TNFRSF8: variants seen among roughly 807,000 people sequenced by gnomAD.
The protein encoded by TNFRSF8 is TNF receptor superfamily member 8.
TNFRSF8 carries 26 observed loss-of-function variants against 70.8 expected under a neutral mutation model. That is an observed-to-expected ratio of 0.37 (90% CI 0.27 to 0.51). The LOEUF is 0.51. Ranked by LOEUF, TNFRSF8 falls within the 20% of genes least tolerant of loss-of-function variation. TNFRSF8 has a pLI of 0.94. For synonymous variants in TNFRSF8, 356 were observed against 339.2 expected (o/e 1.05, Z -0.54); for missense variants, 720 against 807.9 (o/e 0.89, Z 1.32).
At chr1:12,136,205 T>G (rs1642142096) in intron 13 of TNFRSF8, among the ~76,000 whole-genome samples, 2 of 152,128 alleles carry the variant, frequency 1.3e-5, no homozygotes, top group African/African-American at 4.8e-5. Context: ...AGTTTCAAAT[T>G]ATGGGGGATC....
chr1:12,123,805 G>T lies in TNFRSF8; in HGVS notation c.1131G>T (p.Thr377=). 1.3e-6 allele frequency: 2 copies of T among 1,571,664 alleles called. No individual in the cohort carries two copies. Among genetic ancestry groups the T allele is most frequent in the African/African-American group, 1.3e-5 (1 of 74,088 alleles). The change falls in exon 10 of 15, where the codon ACG becomes ACT. Residue 377 remains threonine (T), a synonymous_variant. Transcript: ENST00000263932. ...GCGCTCCCGTCGCTCTCTCCTCCAC[G>T]GGGAAGCCCGTTCTGGATGCAGGTA... The part of the protein sequence containing the change: ...PTSAPVALSS[T]GKPVLDAGPV...
chr1:12,106,853 C>CCT (rs1641534129), intron 4 of TNFRSF8, among the ~76,000 whole-genome samples: 2 of 152,234 alleles, frequency 1.3e-5, no homozygotes, highest in African/African-American at 2.4e-5. Flanking sequence ...GGAGGTATAA[C>CCT]TGAAGGCCTT....
chr1:12,079,586 G>C (rs1037522749), intron 1 of TNFRSF8, among the ~76,000 whole-genome samples: 6 of 152,182 alleles, frequency 3.9e-5, no homozygotes, highest in Admixed American at 3.9e-4. Context: ...CTTCTCCACC[G>C]GGAGCTGGGA....
intron 14 of TNFRSF8, among the ~76,000 whole-genome samples, chr1:12,139,144 A>G (rs995100947): frequency 6.6e-6 from 1 of 152,132 alleles, no homozygotes; most frequent in East Asian, 1.9e-4. Flanking sequence ...CCCAAAATGT[A>G]TACCTGACCC....
rs567418744 is a variant in TNFRSF8 at position 12,109,227 on chromosome 1, T to C, written c.422-339T>C. Among the ~76,000 whole-genome samples the C allele has an allele frequency of 1.3e-5, 2 of 152,308 alleles. No individual in the cohort carries two copies. Among genetic ancestry groups the C allele is most frequent in the African/African-American group, 4.8e-5 (2 of 41,570 alleles). ...AATCTTTAAATTCTACCTCACAGGC[T>C]TGGGTCACATGTCCGTCCCTGAACT... On this transcript the variant is annotated intron_variant, in intron 4 of 14. Transcript: ENST00000263932. This position sits in a 1 kb window ranked among gnomAD's most constrained non-coding sequence, Gnocchi z 4.4.
At chr1:12,070,599 C>G (rs1173745873) in intron 1 of TNFRSF8, among the ~76,000 whole-genome samples, 1 of 152,110 alleles carries the variant, frequency 6.6e-6, no homozygotes, top group Non-Finnish European at 1.5e-5. Flanking sequence ...GCTGGGATTA[C>G]AGGCATGAGC....
intron 3 of TNFRSF8, among the ~76,000 whole-genome samples, chr1:12,099,461 A>C (rs1641383383): frequency 6.6e-6 from 1 of 151,710 alleles, no homozygotes; most frequent in African/African-American, 2.4e-5. Flanking sequence ...CTTATCTTTA[A>C]ATTTTAAGAC....
chr1:12,075,990 T>C (rs191738250), intron 1 of TNFRSF8, among the ~76,000 whole-genome samples: 1 of 151,970 alleles, frequency 6.6e-6, no homozygotes, highest in Non-Finnish European at 1.5e-5. Flanking sequence ...ATTCCTAGCC[T>C]GCGAAAAGCT....
chr1:12,102,519 A>G (rs1157414015), intron 3 of TNFRSF8, among the ~76,000 whole-genome samples: 2 of 151,854 alleles, frequency 1.3e-5, no homozygotes, highest in African/African-American at 2.4e-5. Context: ...TACCAGTGCT[A>G]TTTTTGTTTT....
chr1:12,094,852 A>G (rs1272083151), intron 2 of TNFRSF8, among the ~76,000 whole-genome samples: 3 of 151,682 alleles, frequency 2.0e-5, no homozygotes, highest in African/African-American at 7.3e-5. Context: ...TCTTGAACTT[A>G]TGACCTCAAA....
rs928930000 is a variant in TNFRSF8, at chr1:12,110,006, A to G, written c.513-35A>G. ...CACAGGCCTCCCTTGCCCCATTGGC[A>G]GAATTATCAGTCCCATCTCTGGCTT... On this transcript the variant is annotated intron_variant, in intron 5 of 14. Transcript: ENST00000263932. This position sits in a 1 kb window ranked among gnomAD's most constrained non-coding sequence, Gnocchi z 4.0. 6.2e-7 allele frequency: 1 copy of G among 1,605,380 alleles called. No homozygotes were observed. Among genetic ancestry groups the G allele is most frequent in the Non-Finnish European group, 8.5e-7 (1 of 1,175,848 alleles).
intron 1 of TNFRSF8, among the ~76,000 whole-genome samples, chr1:12,076,134 C>T (rs1400297263): frequency 1.5e-5 from 2 of 134,402 alleles, no homozygotes; most frequent in African/African-American, 5.4e-5. Context: ...GGGTTTCACT[C>T]ATCTTGCCCA....
rs1641927346 is a variant in TNFRSF8, at chr1:12,125,866, A to G, written c.1154-85A>G. 4 of 1,038,942 alleles carry G rather than the reference A, an allele frequency of 3.9e-6. No homozygotes were observed. The Middle Eastern group carries it at 7.7e-4, about 200-fold the overall frequency. The allele number at this position is 1,038,942 out of a possible 1,614,324, so 64.4% of individuals were successfully genotyped here. A position where few individuals can be genotyped will look rare whatever the true frequency, so the allele number is the denominator to read the frequency against. On this transcript the variant is annotated intron_variant, in intron 10 of 14. Transcript: ENST00000263932. Reference sequence around the variant, plus strand: ...TTAGCCATGATGGAAGCTGTGTCCCAGGAGAAGGAGGAAGTCGTCTGGGGC... The same window carrying G: ...TTAGCCATGATGGAAGCTGTGTCCCGGGAGAAGGAGGAAGTCGTCTGGGGC...
intron 1 of TNFRSF8, among the ~76,000 whole-genome samples, chr1:12,072,053 T>G (rs771394104): frequency 6.6e-6 from 1 of 152,170 alleles, no homozygotes; most frequent in Non-Finnish European, 1.5e-5. Flanking sequence ...AGGTTATCCC[T>G]TGCTTCTGAC....
At chr1:12,068,543 C>T (rs1640782422) in intron 1 of TNFRSF8, among the ~76,000 whole-genome samples, 1 of 152,160 alleles carries the variant, frequency 6.6e-6, no homozygotes, top group African/African-American at 2.4e-5. Context: ...GGTGGGGGAC[C>T]TTCTTCCGGT....
In TNFRSF8 at chr1:12,113,495, G is replaced by A. The variant is rs1000202710; in HGVS notation, c.793+1481G>A. Among the ~76,000 whole-genome samples the A allele has an allele frequency of 2.0e-5, 3 of 151,348 alleles. No individual in the cohort carries two copies. The highest frequency in any genetic ancestry group is 4.4e-5 in the Non-Finnish European group (3 of 67,998). ...GGCCATAAAAGTCTTGAGAGAGAGA[G>A]ACAGACAGAAAGAGAGAGTGAGAGA... On this transcript the variant is annotated intron_variant, in intron 7 of 14. Transcript: ENST00000263932. This position sits in a 1 kb window ranked among gnomAD's most constrained non-coding sequence, Gnocchi z 4.9.
intron 1 of TNFRSF8, among the ~76,000 whole-genome samples, chr1:12,069,209 G>A (rs1298874933): frequency 4.1e-5 from 4 of 96,968 alleles, no homozygotes; most frequent in East Asian, 3.0e-4. Flanking sequence ...ATGGAGTTTC[G>A]CTCTTGTTGC....
intron 1 of TNFRSF8, among the ~76,000 whole-genome samples, chr1:12,078,640 CCCCCCCA>C (rs1313566463): frequency 4.6e-5 from 7 of 151,992 alleles, no homozygotes; most frequent in Non-Finnish European, 1.5e-5. Context: ...AACTACAGCA[CCCCCCCA>C]CCCCAGGCAG....
chr1:12,102,777 C>T (rs1411745416), intron 3 of TNFRSF8, among the ~76,000 whole-genome samples: 1 of 152,142 alleles, frequency 6.6e-6, no homozygotes, highest in Non-Finnish European at 1.5e-5. Flanking sequence ...CTGCCCACCT[C>T]GGCCTCCCAA....
Sources: gnomAD v4.1 joint callset for allele counts (sites outside exome capture counted in the v4.1 genomes callset) on GRCh38, gnomAD v4.1.1 for gene constraint, Gnocchi (gnomAD v3.1) non-coding constraint, MANE v1.5 for transcripts, NCBI Gene and HGNC (gene_info 2026-07-23, HGNC 2026-07-21) for gene names.